The following GAB3 variants were observed in gnomAD, a reference collection of about 807,000 sequenced individuals.
GAB3 encodes the protein GRB2-associated-binding protein 3.
Under a neutral mutation model 40.4 loss-of-function variants are expected in GAB3, and 12 were observed. The ratio of observed to expected loss-of-function variants is 0.30; its 90% CI spans 0.19 to 0.48. The LOEUF (loss-of-function observed/expected upper bound fraction) is 0.48. GAB3 is among the 20% of genes least tolerant of loss of function. GAB3 has a pLI of 0.99. For synonymous variants in GAB3, 154 were observed against 176.7 expected (o/e 0.87, Z 1.02); for missense variants, 381 against 461.9 (o/e 0.82, Z 1.61).
At chrX:154,734,284 G>A (rs1282739319) in intron 1 of GAB3, among the ~76,000 whole-genome samples, 1 of 113,158 alleles carries the variant, frequency 8.8e-6, no homozygotes. Context: ...GGGCCTAGCT[G>A]TCACTTTGCT....
intron 1 of GAB3, among the ~76,000 whole-genome samples, chrX:154,720,626 C>CAAAA (rs782047643): frequency 1.3e-4 from 4 of 30,766 alleles, no homozygotes; most frequent in Non-Finnish European, 1.8e-4. Flanking sequence ...GACTCCGTCT[C>CAAAA]AAAAAAAAAA....
At chrX:154,681,916 G>C (rs1187782523) in intron 8 of GAB3, among the ~76,000 whole-genome samples, 3 of 111,533 alleles carry the variant, frequency 2.7e-5, no homozygotes, top group Admixed American at 9.5e-5. Flanking sequence ...TTTAGAATCA[G>C]CTTCAAAGTT....
At chrX:154,696,239 C>T (rs1213064376) in intron 7 of GAB3, 2 of 265,480 alleles carry the variant, frequency 7.5e-6, no homozygotes, top group African/African-American at 2.9e-5. Context: ...TTTTCTCAGG[C>T]CCTCTATGTG....
At chrX:154,745,854 C>G (rs1557261959) in intron 1 of GAB3, among the ~76,000 whole-genome samples, 2 of 110,587 alleles carry the variant, frequency 1.8e-5, no homozygotes, top group Non-Finnish European at 3.8e-5. Flanking sequence ...GAGTTCGAGA[C>G]CAGCCTGGCC....
At chrX:154,688,878 T>C (rs940923813) in intron 8 of GAB3, among the ~76,000 whole-genome samples, 7 of 110,241 alleles carry the variant, frequency 6.3e-5, no homozygotes, top group Non-Finnish European at 1.1e-4. Context: ...CTATTCCAAT[T>C]AATAGAAAAA....
chrX:154,717,870 T>C (rs1156708990), intron 1 of GAB3, among the ~76,000 whole-genome samples: 1 of 112,081 alleles, frequency 8.9e-6, no homozygotes, highest in Non-Finnish European at 1.9e-5. Context: ...AAGGGCCAGA[T>C]AGGCCAGCCT....
At chrX:154,690,121 C>T (rs2070531734) in intron 8 of GAB3, among the ~76,000 whole-genome samples, 1 of 108,420 alleles carries the variant, frequency 9.2e-6, no homozygotes, top group Admixed American at 9.9e-5. Context: ...CGCATATCTA[C>T]AACTATCTGA....
At chrX:154,690,030 C>G (rs368098867) in intron 8 of GAB3, among the ~76,000 whole-genome samples, 1 of 111,056 alleles carries the variant, frequency 9.0e-6, no homozygotes, top group Non-Finnish European at 1.9e-5. Context: ...TACAAAGCTA[C>G]AGTAACCAAA....
At chrX:154,695,345 C>T (rs141665476) in intron 8 of GAB3, among the ~76,000 whole-genome samples, 161 of 111,820 alleles carry the variant, frequency 1.4e-3, no homozygotes, top group African/African-American at 5.0e-3. Context: ...GACTCTTTAA[C>T]TGCAAATGGT....
intron 9 of GAB3, among the ~76,000 whole-genome samples, chrX:154,678,728 A>G (rs1557246154): frequency 8.9e-6 from 1 of 111,968 alleles, no homozygotes; most frequent in African/African-American, 3.2e-5. Flanking sequence ...AAGAGATCTG[A>G]TAGTTTTATA....
At position 154,749,157 on chromosome X, in the gene GAB3, G is replaced by A. The variant is rs979699488; in HGVS notation, c.72+1797C>T. ...CACGCCCCACATATCTCTAAGCTGC[G>A]CAGTGTCCACTCTTGCCACATCCCC... is the stretch of plus-strand genomic sequence containing the variant. On this transcript the variant is annotated intron_variant, in intron 1 of 9. Coordinates refer to ENST00000424127, the MANE Select transcript of GAB3 (RefSeq NM_001081573.3). Among the ~76,000 whole-genome samples, 8 of 111,348 alleles carry A rather than the reference G, an allele frequency of 7.2e-5. 1 individual carries two copies. The East Asian group carries it at 8.4e-4, about 12-fold the overall frequency.
At chrX:154,687,430 G>A (rs2070472127) in intron 8 of GAB3, among the ~76,000 whole-genome samples, 1 of 109,737 alleles carries the variant, frequency 9.1e-6, no homozygotes. Context: ...AGGAGATCAA[G>A]ACCATCCTGG....
chrX:154,697,849 T>C (rs2035970895), intron 6 of GAB3, among the ~76,000 whole-genome samples: 1 of 112,228 alleles, frequency 8.9e-6, no homozygotes, highest in African/African-American at 3.2e-5. Flanking sequence ...ACTGCAGTAG[T>C]CTCAGCACCT....
At chrX:154,733,871 C>T (rs1557260224) in intron 1 of GAB3, among the ~76,000 whole-genome samples, 1 of 112,009 alleles carries the variant, frequency 8.9e-6, no homozygotes, top group African/African-American at 3.2e-5. Context: ...AAAGACTTTC[C>T]GAGTCAGTTA....
At chrX:154,735,389 A>G (rs1222154820) in intron 1 of GAB3, among the ~76,000 whole-genome samples, 3 of 111,839 alleles carry the variant, frequency 2.7e-5, no homozygotes, top group Admixed American at 9.5e-5. Flanking sequence ...TGAAAAGTCT[A>G]TAACTCCAAA....
At position 154,677,921 on chromosome X, in the gene GAB3, T is replaced by C. The variant is rs183092771; in HGVS notation, c.*257A>G. The C allele has an allele frequency of 3.4e-3, 1,039 of 302,880 alleles. 19 individuals carry two copies. The Admixed American group carries it at 0.05, about 15-fold the overall frequency. The allele number at this position is 302,880 out of a possible 1,213,427, so 25.0% of individuals were successfully genotyped here. Reference sequence around the variant, plus strand: ...ACACTCACTCCAATCTTTGCTCCAATAGGACAGAGGGGAGGCTAGATTCTC... The same window carrying C: ...ACACTCACTCCAATCTTTGCTCCAACAGGACAGAGGGGAGGCTAGATTCTC... On this transcript the variant is annotated 3_prime_UTR_variant, in exon 10 of 10. Transcript: ENST00000424127.
chrX:154,696,950 T>C (rs2070666954), intron 7 of GAB3, among the ~76,000 whole-genome samples, 182 bp downstream of exon 7: 1 of 112,821 alleles, frequency 8.9e-6, no homozygotes, highest in African/African-American at 3.2e-5. Flanking sequence ...TCCAGGATCC[T>C]GGGAGACCCA....
chrX:154,679,988 G>T, intron 9 of GAB3, 144 bp downstream of exon 9: 1 of 461,254 alleles, frequency 2.2e-6, no homozygotes, highest in Non-Finnish European at 3.8e-6. Flanking sequence ...TGGGAGGCAG[G>T]ATGAGGGCCG....
intron 1 of GAB3, among the ~76,000 whole-genome samples, chrX:154,741,287 T>A (rs1557261206): frequency 8.9e-6 from 1 of 111,805 alleles, no homozygotes; most frequent in African/African-American, 3.3e-5. Context: ...CTCTGGTATG[T>A]CTGTATTAGC....
Sources: gnomAD v4.1 joint callset for allele counts (sites outside exome capture counted in the v4.1 genomes callset) on GRCh38, gnomAD v4.1.1 for gene constraint, MANE v1.5 for transcripts, NCBI Gene and HGNC (gene_info 2026-07-23, HGNC 2026-07-21) for gene names.